The following BCAS3 variants were observed in gnomAD, a reference collection of about 807,000 sequenced individuals.
BCAS3 encodes the protein BCAS3 microtubule associated cell migration factor.
A neutral mutation model predicts 116.1 loss-of-function variants in BCAS3; 53 were observed. The ratio of observed to expected loss-of-function variants is 0.46; its 90% CI spans 0.37 to 0.57. BCAS3 has a LOEUF of 0.57. Among genes scored for constraint, BCAS3 ranks in the 20% least tolerant of loss-of-function variants. The pLI is 0.00. For missense variants in BCAS3, 917 were observed against 1,165.4 expected, an observed-to-expected ratio of 0.79 and a Z score of 3.10; for synonymous variants, 391 against 408.2, an observed-to-expected ratio of 0.96 and a Z score of 0.51.
intron 7 of BCAS3, among the ~76,000 whole-genome samples, chr17:60,850,547 TG>T (rs2053035052): frequency 6.6e-6 from 1 of 151,764 alleles, no homozygotes. Context: ...TTAGTAGAGA[TG>T]GGGTTTCATC....
rs79611743 is a variant in BCAS3 at position 60,727,502 on chromosome 17, C to T, written c.321+18177C>T. The T allele has an allele frequency of 6.4e-3, 9,407 of 1,465,154 alleles. 450 individuals are homozygous for T. The African/African-American group carries it at 0.11, about 17-fold the overall frequency. The allele number at this position is 1,465,154 out of a possible 1,614,324, so 90.8% of individuals were successfully genotyped here. A position where few individuals can be genotyped will look rare whatever the true frequency, so the allele number is the denominator to read the frequency against. ...GACCATCTTTGCAGCAGGGCTGTTC[C>T]GTCTATGTGATGAAAACGAGAAATG... On this transcript the variant is annotated intron_variant, in intron 5 of 23. Transcript: ENST00000407086.
intron 22 of BCAS3, among the ~76,000 whole-genome samples, chr17:61,119,300 G>C (rs1432378958): frequency 6.6e-6 from 1 of 152,028 alleles, no homozygotes; most frequent in Non-Finnish European, 1.5e-5. Flanking sequence ...TTCAGAAATA[G>C]CAAATAAAAT....
chr17:61,167,604 C>T (rs769357223), intron 22 of BCAS3, among the ~76,000 whole-genome samples: 36 of 152,120 alleles, frequency 2.4e-4, no homozygotes, highest in Admixed American at 4.6e-4. Flanking sequence ...AAGATGGTCC[C>T]CTGACTCAAG....
rs2081611597 is a variant in BCAS3 at position 61,213,767 on chromosome 17, C to A, written c.2425+129203C>A. On this transcript the variant is annotated intron_variant, in intron 22 of 23. Transcript: ENST00000407086. This position sits in a 1 kb window ranked among gnomAD's most constrained non-coding sequence, Gnocchi z 5.4. ...TTAGAACACACACATTCAGAATTTTCTGGATGTGGTTTAGTATATCATGAT... is the reference window on the plus strand; with the variant it reads ...TTAGAACACACACATTCAGAATTTTATGGATGTGGTTTAGTATATCATGAT... Among the ~76,000 whole-genome samples, 2 of 152,138 alleles carry A rather than the reference C, an allele frequency of 1.3e-5. No individual in the cohort carries two copies. The highest frequency in any genetic ancestry group is 4.8e-5 in the African/African-American group (2 of 41,432).
At chr17:60,711,425 A>G (rs949517037) in intron 5 of BCAS3, among the ~76,000 whole-genome samples, 4 of 152,050 alleles carry the variant, frequency 2.6e-5, no homozygotes, top group Non-Finnish European at 4.4e-5. Context: ...TCTTATTAAT[A>G]GAGACTACAT....
rs2061462381 is a variant in BCAS3 at position 60,962,525 on chromosome 17, TTTTC to T, written c.1221+15176_1221+15179del. ...TTCAGGTCTTTTGCCCATTTTTAAA[TTTTC>T]TTATTTTTTCTTTTGTTTCTAATGG... On this transcript the variant is annotated intron_variant, in intron 14 of 23. Coordinates refer to ENST00000407086, the MANE Select transcript of BCAS3 (RefSeq NM_017679.5). The surrounding 1 kb of genome is among the most constrained non-coding windows in gnomAD (Gnocchi z 4.4). Among the ~76,000 whole-genome samples the T allele has an allele frequency of 6.6e-6, 1 of 152,156 alleles. No individual in the cohort carries two copies. The highest frequency in any genetic ancestry group is 1.5e-5 in the Non-Finnish European group (1 of 68,014).
intron 7 of BCAS3, among the ~76,000 whole-genome samples, chr17:60,852,145 T>TA (rs1354707758): frequency 4.6e-5 from 7 of 152,248 alleles, no homozygotes; most frequent in African/African-American, 1.4e-4. Flanking sequence ...TTTTTTTTTT[T>TA]ATTATACTTT....
At chr17:61,018,901 A>T (rs770328107) in intron 16 of BCAS3, among the ~76,000 whole-genome samples, 1 of 152,124 alleles carries the variant, frequency 6.6e-6, no homozygotes, top group African/African-American at 2.4e-5. Context: ...TACTTGTAGC[A>T]TAGCTTTAGT....
At chr17:60,752,879 T>G (rs2042614887) in intron 6 of BCAS3, among the ~76,000 whole-genome samples, 2 of 151,344 alleles carry the variant, frequency 1.3e-5, no homozygotes, top group East Asian at 3.9e-4. Context: ...CAGTCTCACT[T>G]TGTGGCCCAG....
At chr17:61,389,666 CTAA>C (rs2060031166) in intron 23 of BCAS3, 1 of 152,256 alleles carries the variant, frequency 6.6e-6, no homozygotes, top group African/African-American at 2.4e-5. Flanking sequence ...TTACCCGGGT[CTAA>C]CTGGCAAAGG....
chr17:61,331,268 T>A (rs1304981987), intron 22 of BCAS3, among the ~76,000 whole-genome samples: 1 of 152,194 alleles, frequency 6.6e-6, no homozygotes, highest in East Asian at 1.9e-4. Flanking sequence ...CCTGCTGATC[T>A]TCAGAGTTTT....
chr17:61,009,181 C>T (rs571026646), intron 15 of BCAS3, among the ~76,000 whole-genome samples: 3 of 152,156 alleles, frequency 2.0e-5, no homozygotes, highest in South Asian at 2.1e-4. Context: ...ATGTGGACCT[C>T]CTAATAACAC....
At chr17:60,933,034 G>A (rs2059741151) in intron 13 of BCAS3, among the ~76,000 whole-genome samples, 1 of 152,084 alleles carries the variant, frequency 6.6e-6, no homozygotes, top group Non-Finnish European at 1.5e-5. Flanking sequence ...AATTAGCTGG[G>A]TGTAGTGGCA....
chr17:60,957,456 G>A (rs2061192918), intron 14 of BCAS3, among the ~76,000 whole-genome samples: 1 of 152,058 alleles, frequency 6.6e-6, no homozygotes, highest in African/African-American at 2.4e-5. Flanking sequence ...TGTGAATCTA[G>A]CAACCCTGTG....
At position 61,388,768 on chromosome 17, in the gene BCAS3, G is replaced by A; in HGVS notation, c.2594-3209G>A. The A allele has an allele frequency of 6.8e-7, 1 of 1,467,732 alleles. No individual in the cohort carries two copies. The highest frequency in any genetic ancestry group is 2.5e-5 in the East Asian group (1 of 40,496). 90.9% of individuals were successfully genotyped at this position (1,467,732 alleles called of 1,614,324 possible). A position where few individuals can be genotyped will look rare whatever the true frequency, so the allele number is the denominator to read the frequency against. On this transcript the variant is annotated intron_variant, in intron 23 of 23. Transcript: ENST00000407086. This position sits in a 1 kb window ranked among gnomAD's most constrained non-coding sequence, Gnocchi z 6.5. Reference sequence around the variant, plus strand: ...TAGGGCTGGGCGGCCGGGATGACTTGGAGGGGGGAATCTGAGCAGCCCTCC... The same window carrying A: ...TAGGGCTGGGCGGCCGGGATGACTTAGAGGGGGGAATCTGAGCAGCCCTCC...
intron 5 of BCAS3, among the ~76,000 whole-genome samples, chr17:60,716,224 A>T (rs1490328252): frequency 3.9e-5 from 6 of 152,224 alleles, no homozygotes; most frequent in Non-Finnish European, 7.3e-5. Flanking sequence ...TACAGGGGTA[A>T]GCACAATAGA....
At chr17:60,951,193 T>C (rs1266452260) in intron 14 of BCAS3, among the ~76,000 whole-genome samples, 7 of 152,244 alleles carry the variant, frequency 4.6e-5, no homozygotes, top group Admixed American at 4.6e-4. Context: ...TTGGAATTTC[T>C]AAGTGGAATA....
intron 4 of BCAS3, among the ~76,000 whole-genome samples, chr17:60,697,672 C>T (rs1402625213): frequency 6.6e-6 from 1 of 151,888 alleles, no homozygotes; most frequent in East Asian, 1.9e-4. Flanking sequence ...ATCCTCCCAC[C>T]AGTTGCAAAC....
intron 2 of BCAS3, among the ~76,000 whole-genome samples, chr17:60,681,422 C>T (rs1414222279): frequency 1.3e-5 from 2 of 151,772 alleles, no homozygotes; most frequent in East Asian, 3.9e-4. Context: ...ATCGCTTGAA[C>T]CCGGGAGGCG....
Sources: allele counts gnomAD v4.1 joint callset (sites outside exome capture counted in the v4.1 genomes callset), GRCh38; gene constraint gnomAD v4.1.1; non-coding constraint Gnocchi (gnomAD v3.1); transcripts MANE v1.5; gene names NCBI Gene and HGNC (gene_info 2026-07-23, HGNC 2026-07-21).